The following AFF1 variants were observed in gnomAD, a reference collection of about 807,000 sequenced individuals.
AFF1 encodes AF4/FMR2 family member 1.
A neutral mutation model predicts 121.7 loss-of-function variants in AFF1; 48 were observed. The observed-to-expected ratio is 0.39, with a 90% CI of 0.31 to 0.50. The LOEUF (loss-of-function observed/expected upper bound fraction) is 0.50, where lower values mean the gene tolerates loss of function less well. Among genes scored for constraint, AFF1 ranks in the 20% least tolerant of loss-of-function variants. The probability of loss-of-function intolerance (pLI) is 0.76; values close to 1 mark genes in which losing one functional copy is unlikely to be tolerated. For synonymous variants in AFF1, 613 were observed against 563.0 expected (o/e 1.09, Z -1.26); for missense variants, 1,523 against 1,511.7 (o/e 1.01, Z -0.12).
intron 2 of AFF1, among the ~76,000 whole-genome samples, chr4:87,020,011 G>T (rs1450021211): frequency 5.8e-5 from 1 of 17,246 alleles, no homozygotes; most frequent in Non-Finnish European, 4.5e-4. Context: ...CTGTGTTGAC[G>T]ATTGTTGTGT....
intron 4 of AFF1, among the ~76,000 whole-genome samples, chr4:87,058,034 G>C (rs927758264): frequency 6.6e-6 from 1 of 152,110 alleles, no homozygotes; most frequent in Non-Finnish European, 1.5e-5. Context: ...CTAAAATCTT[G>C]TAGTGCCCTT....
chr4:87,114,923 A>G lies in AFF1; in HGVS notation c.2090A>G (p.Lys697Arg), dbSNP rs747100984. ...SKALSGPEPA[K>R]DNVEDRTPEH... ...GCTCTCTCAGGCCCAGAACCCGCGA[A>G]GGACAATGTGGAGGACAGGACCCCT... Residue 697 changes from lysine to arginine, a missense_variant, in exon 12 of 21, where the codon AAG becomes AGG. Transcript: ENST00000395146. The G allele has an allele frequency of 2.5e-6, 4 of 1,612,514 alleles. No homozygotes were observed. Among genetic ancestry groups the G allele is most frequent in the South Asian group, 1.1e-5 (1 of 90,836 alleles).
chr4:86,987,303 A>T (rs1233397365), intron 2 of AFF1, among the ~76,000 whole-genome samples: 1 of 152,168 alleles, frequency 6.6e-6, no homozygotes, highest in Non-Finnish European at 1.5e-5. Flanking sequence ...ATAAGACTTT[A>T]TTTAATGCGT....
intron 11 of AFF1, among the ~76,000 whole-genome samples, chr4:87,113,859 C>G (rs1415820238): frequency 1.3e-5 from 2 of 151,996 alleles, no homozygotes. Context: ...GATTGAGACC[C>G]TGTCACACAC....
At chr4:87,073,064 C>CT (rs1208122064) in intron 4 of AFF1, among the ~76,000 whole-genome samples, 1 of 147,508 alleles carries the variant, frequency 6.8e-6, no homozygotes, top group East Asian at 2.0e-4. Flanking sequence ...ATTAGTAAGC[C>CT]TTAAAAAAAA....
In AFF1 at chr4:87,114,725, A is replaced by C; in HGVS notation, c.1892A>C (p.Glu631Ala). Residue 631 changes from glutamate (E) to alanine (A), a missense_variant, in exon 12 of 21, where the codon GAA becomes GCA. Physicochemically the swap from Glu to Ala is moderately radical, Grantham distance 107. Coordinates refer to ENST00000395146, the MANE Select transcript of AFF1 (RefSeq NM_001166693.3). ...RAGSRTSLQG[E>A]REPGLLPYGS... The stretch of plus-strand genomic sequence containing the variant: ...GGTTCACGGACCAGCCTGCAGGGGG[A>C]AAGGGAGCCAGGGCTTCTTCCCTAT... 1 of 1,613,990 alleles carries C rather than the reference A, an allele frequency of 6.2e-7. No homozygotes were observed. The highest frequency in any genetic ancestry group is 8.5e-7 in the Non-Finnish European group (1 of 1,179,992).
intron 2 of AFF1, among the ~76,000 whole-genome samples, chr4:86,949,196 A>G (rs1284269271): frequency 4.2e-5 from 6 of 143,542 alleles, no homozygotes; most frequent in Admixed American, 1.4e-4. Context: ...TTTTTTTGAG[A>G]TGGAGTCTCA....
chr4:86,973,530 A>T (rs1216387794), intron 2 of AFF1, among the ~76,000 whole-genome samples: 1 of 152,060 alleles, frequency 6.6e-6, no homozygotes, highest in South Asian at 2.1e-4. Context: ...TATGGCCAAA[A>T]TTTTTTAATG....
At chr4:87,023,361 C>CT (rs1419522846) in intron 2 of AFF1, among the ~76,000 whole-genome samples, 1 of 152,140 alleles carries the variant, frequency 6.6e-6, no homozygotes, top group East Asian at 1.9e-4. Context: ...AAATTTTAAC[C>CT]TAATGTATGT....
In AFF1 at chr4:86,949,619, C is replaced by T. The variant is rs986813184; in HGVS notation, c.38+1048C>T. 10 of 1,445,344 alleles carry T rather than the reference C, an allele frequency of 6.9e-6. No homozygotes were observed. In the African/African-American group the frequency reaches 9.9e-5, roughly 14 times the overall value. The allele number at this position is 1,445,344 out of a possible 1,614,324, so 89.5% of individuals were successfully genotyped here. A position where few individuals can be genotyped will look rare whatever the true frequency, so the allele number is the denominator to read the frequency against. Reference sequence around the variant, plus strand: ...AGAGCTGTGGGCCCCACTCCTCCCCCAGAATGCCACCGGGTTGAGGGGCTG... The same window carrying T: ...AGAGCTGTGGGCCCCACTCCTCCCCTAGAATGCCACCGGGTTGAGGGGCTG... On this transcript the variant is annotated intron_variant, in intron 2 of 20. Transcript: ENST00000395146.
At chr4:87,113,004 C>G (rs558179501) in intron 11 of AFF1, among the ~76,000 whole-genome samples, 56 of 152,214 alleles carry the variant, frequency 3.7e-4, no homozygotes, top group Middle Eastern at 3.4e-3. Flanking sequence ...TCTCATGCAC[C>G]CACTATATGC....
In AFF1 at chr4:87,115,018, A is replaced by G. The variant is rs1371003831; in HGVS notation, c.2185A>G (p.Ser729Gly). ...PPHSGSGSRT[S>G]GCRQAVVVQE... is the part of the protein sequence containing the mutation. ...CCACAGTGGCAGCGGCAGCAGGACT[A>G]GTGGCTGCCGCCAAGCCGTGGTGGT... Residue 729 changes from serine to glycine, a missense_variant, in exon 12 of 21, where the codon AGT (serine) becomes GGT (glycine). Around this residue, in one of 5 missense-constraint regions of AFF1, gnomAD observed 905 missense variants for 842.5 expected, o/e 1.07. Coordinates refer to ENST00000395146, the MANE Select transcript of AFF1 (RefSeq NM_001166693.3). The G allele has an allele frequency of 1.9e-6, 3 of 1,611,944 alleles. No homozygotes were observed. Among genetic ancestry groups the G allele is most frequent in the East Asian group, 2.2e-5 (1 of 44,858 alleles).
intron 18 of AFF1, 109 bp from the exon 19 acceptor site, chr4:87,132,162 C>A: frequency 7.6e-7 from 1 of 1,320,824 alleles, no homozygotes. Flanking sequence ...CATACTAACT[C>A]ACACAGGTGA....
chr4:86,974,513 T>C (rs764956901), intron 2 of AFF1, among the ~76,000 whole-genome samples: 15 of 152,194 alleles, frequency 9.9e-5, no homozygotes, highest in Admixed American at 2.0e-4. Flanking sequence ...CAGGGATTTA[T>C]ATTAAATATA....
At chr4:87,089,427 C>T (rs1724075990) in intron 5 of AFF1, among the ~76,000 whole-genome samples, 1 of 152,142 alleles carries the variant, frequency 6.6e-6, no homozygotes, top group Non-Finnish European at 1.5e-5. Context: ...TTTTAAGCTC[C>T]TCTCCTTCAA....
At chr4:86,969,148 G>A (rs1391072717) in intron 2 of AFF1, among the ~76,000 whole-genome samples, 3 of 144,044 alleles carry the variant, frequency 2.1e-5, no homozygotes, top group Non-Finnish European at 4.6e-5. Context: ...TTGACCAGAG[G>A]GTGCATTTGG....
chr4:86,976,991 A>G (rs534245695), intron 2 of AFF1, among the ~76,000 whole-genome samples: 2 of 152,362 alleles, frequency 1.3e-5, no homozygotes, highest in East Asian at 3.9e-4. Context: ...CAAGTGCCCA[A>G]TAAATGCAGG....
intron 2 of AFF1, among the ~76,000 whole-genome samples, chr4:87,022,913 AT>A (rs1728171118): frequency 6.6e-6 from 1 of 151,590 alleles, no homozygotes; most frequent in African/African-American, 2.4e-5. Context: ...TTTTTAATTT[AT>A]TTATTTAATA....
chr4:86,988,817 A>G (rs1724489411), intron 2 of AFF1, among the ~76,000 whole-genome samples: 1 of 152,210 alleles, frequency 6.6e-6, no homozygotes, highest in African/African-American at 2.4e-5. Flanking sequence ...CCAAAACAGC[A>G]TGATTCTGGT....
Sources: allele counts gnomAD v4.1 joint callset (sites outside exome capture counted in the v4.1 genomes callset), GRCh38; gene constraint gnomAD v4.1.1; regional missense constraint gnomAD v4.1.1; transcripts MANE v1.5; gene names NCBI Gene and HGNC (gene_info 2026-07-23, HGNC 2026-07-21).